ZNF891: variants seen among roughly 807,000 people sequenced by gnomAD.
The protein encoded by ZNF891 is hCG1646157.
For missense variants in ZNF891, 589 were observed against 632.7 expected, an observed-to-expected ratio of 0.93 and a Z score of 0.74; for synonymous variants, 199 against 209.0, an observed-to-expected ratio of 0.95 and a Z score of 0.41.
At chr12:133,126,377 G>A (rs531185699) in intron 1 of ZNF891, among the ~76,000 whole-genome samples, 1 of 150,546 alleles carries the variant, frequency 6.6e-6, no homozygotes, top group Non-Finnish European at 1.5e-5. Context: ...GGGAGTGTGA[G>A]GCAGGAGAAT....
In ZNF891 at chr12:133,106,365, G is replaced by A; in HGVS notation, c.*13919C>T. On this transcript the variant is annotated 3_prime_UTR_variant, in exon 2 of 2. Transcript: ENST00000537226. The stretch of plus-strand genomic sequence containing the variant: ...AAGCTCTATGAATGTGATGAATGTG[G>A]TAAAGTTTTCACTTGGCATGCATCC... 6.2e-7 allele frequency: 1 copy of A among 1,614,154 alleles called. No homozygotes were observed. Among genetic ancestry groups the A allele is most frequent in the Non-Finnish European group, 8.5e-7 (1 of 1,180,028 alleles).
rs543939767 is a variant in ZNF891 at position 133,124,614 on chromosome 12, A to C, written c.-106-2590T>G. ...TTATCTACAAGGGAATATCAATTAT[A>C]CTGACTACAGACTTCTCAGTTGCAA... On this transcript the variant is annotated intron_variant, in intron 1 of 1. Transcript: ENST00000537226. Among the ~76,000 whole-genome samples the C allele has an allele frequency of 1.5e-4, 23 of 151,764 alleles. No individual in the cohort carries two copies. The East Asian group carries it at 4.3e-3, about 28-fold the overall frequency.
rs1955583877 is a variant in ZNF891, at chr12:133,106,135, A to G, written c.*14149T>C. ...GTGGTAAAGCATTTAGCAGTGGCTC[A>G]GAACTCATTCGCCACCAGATTACAC... On this transcript the variant is annotated 3_prime_UTR_variant, in exon 2 of 2. Transcript: ENST00000537226. 6.2e-7 allele frequency: 1 copy of G among 1,614,176 alleles called. No individual in the cohort carries two copies. Among genetic ancestry groups the G allele is most frequent in the Non-Finnish European group, 8.5e-7 (1 of 1,180,018 alleles).
In ZNF891 at chr12:133,105,222, T is replaced by G. The variant is rs1955546548; in HGVS notation, c.*15062A>C. On this transcript the variant is annotated 3_prime_UTR_variant, in exon 2 of 2. Transcript: ENST00000537226. ...GCAGTAAATACCGTTTAAATGGTGG[T>G]GAAGAAGACTAGCAACCTATCCTTC... is the stretch of plus-strand genomic sequence containing the variant. Among the ~76,000 whole-genome samples the G allele has an allele frequency of 6.6e-6, 1 of 152,216 alleles. No homozygotes were observed. Among genetic ancestry groups the G allele is most frequent in the Non-Finnish European group, 1.5e-5 (1 of 68,040 alleles).
At chr12:133,129,558 A>G (rs1955853824) in intron 1 of ZNF891, among the ~76,000 whole-genome samples, 2 of 151,630 alleles carry the variant, frequency 1.3e-5, no homozygotes, top group South Asian at 4.2e-4. Flanking sequence ...AAATATTTTA[A>G]GACCAAATAG....
At chr12:133,123,967 GA>G (rs969146111) in intron 1 of ZNF891, among the ~76,000 whole-genome samples, 1 of 152,094 alleles carries the variant, frequency 6.6e-6, no homozygotes, top group African/African-American at 2.4e-5. Context: ...ATCACCATGG[GA>G]TTTTGATTAA....
At position 133,107,432 on chromosome 12, in the gene ZNF891, T is replaced by C. The variant is rs1200827003; in HGVS notation, c.*12852A>G. 6.6e-6 allele frequency: 1 copy of C among 152,184 alleles called. No homozygotes were observed. The highest frequency in any genetic ancestry group is 1.9e-4 in the East Asian group (1 of 5,200). The allele number at this position is 152,184 out of a possible 1,614,324, so 9.4% of individuals were successfully genotyped here. On this transcript the variant is annotated 3_prime_UTR_variant, in exon 2 of 2. Coordinates refer to ENST00000537226, the MANE Select transcript of ZNF891 (RefSeq NM_001277291.2). ...AAATCTTTTGGTTTATTATAAACCT[T>C]CTGCTTGCTGATTTTTTCCCACAGC...
In ZNF891 at chr12:133,120,016, T is replaced by C. The variant is rs952375210; in HGVS notation, c.*268A>G. On this transcript the variant is annotated 3_prime_UTR_variant, in exon 2 of 2. Coordinates refer to ENST00000537226, the MANE Select transcript of ZNF891 (RefSeq NM_001277291.2). ...AAAACACCAACAAAGCAGTAAAATA[T>C]AGTCCAGATTCTCTGAACACAATGG... 10 of 295,376 alleles carry C rather than the reference T, an allele frequency of 3.4e-5. No individual in the cohort carries two copies. Among genetic ancestry groups the C allele is most frequent in the Non-Finnish European group, 6.3e-5 (10 of 159,460 alleles). The allele number at this position is 295,376 out of a possible 1,614,324, so 18.3% of individuals were successfully genotyped here.
rs1328865778 is a variant in ZNF891 at position 133,121,027 on chromosome 12, T to C, written c.892A>G (p.Lys298Glu). ...GATTGATGACACAGCGTTTCATCTT[T>C]ATTACATTCACAGGCATTCTGTGCC... Reference protein sequence around the residue: ...HMAQNACECNKDETLCHQSSL... With the variant: ...HMAQNACECNEDETLCHQSSL... The change falls in exon 2 of 2, where the codon AAA (lysine) becomes GAA (glutamate). Residue 298 changes from lysine to glutamate, a missense_variant. Lys to Glu is a moderately conservative substitution (Grantham distance 56). Transcript: ENST00000537226. The C allele has an allele frequency of 1.3e-6, 2 of 1,535,702 alleles. No homozygotes were observed. Among genetic ancestry groups the C allele is most frequent in the Non-Finnish European group, 1.7e-6 (2 of 1,146,882 alleles).
chr12:133,120,142 TA>T lies in ZNF891; in HGVS notation c.*141del. On this transcript the variant is annotated 3_prime_UTR_variant, in exon 2 of 2. Coordinates refer to ENST00000537226, the MANE Select transcript of ZNF891 (RefSeq NM_001277291.2). ...AACAGCCATGGATCAAAAAAAGTCA[TA>T]ATTAGTATTTACAGAAAATGTTATA... is the stretch of plus-strand genomic sequence containing the variant. 1 of 577,638 alleles carries T rather than the reference TA, an allele frequency of 1.7e-6. No individual in the cohort carries two copies. The allele number at this position is 577,638 out of a possible 1,614,324, so 35.8% of individuals were successfully genotyped here.
rs1955753416 is a variant in ZNF891, at chr12:133,121,055, AT to A, written c.863del (p.His288LeufsTer76). On this transcript the variant is annotated frameshift_variant, in exon 2 of 2. Coordinates refer to ENST00000537226, the MANE Select transcript of ZNF891 (RefSeq NM_001277291.2). LOFTEE classifies it low-confidence loss of function (END_TRUNC). Reference protein sequence around the residue: ...HNMFPVPNNLHMAQNACECNK... With the variant: ...HNMFPVPNNLXMAQNACECNK... ...TACATTCACAGGCATTCTGTGCCATATGCAAATTGTTAGGTACAGGAAACAT... is the reference window on the plus strand; with the variant it reads ...TACATTCACAGGCATTCTGTGCCATAGCAAATTGTTAGGTACAGGAAACAT... 6.5e-7 allele frequency: 1 copy of A among 1,535,664 alleles called. No homozygotes were observed. The highest frequency in any genetic ancestry group is 8.7e-7 in the Non-Finnish European group (1 of 1,146,882).
At position 133,113,692 on chromosome 12, in the gene ZNF891, A is replaced by T. The variant is rs958924039; in HGVS notation, c.*6592T>A. On this transcript the variant is annotated 3_prime_UTR_variant, in exon 2 of 2. Coordinates refer to ENST00000537226, the MANE Select transcript of ZNF891 (RefSeq NM_001277291.2). ...AAGGTTATAAATATTCCAGCTTTGG[A>T]CATTTATTGCTTTACTGTCCCAAGT... The T allele has an allele frequency of 2.0e-5, 3 of 151,212 alleles. No homozygotes were observed. Among genetic ancestry groups the T allele is most frequent in the Admixed American group, 6.6e-5 (1 of 15,162 alleles). The allele number at this position is 151,212 out of a possible 1,614,324, so 9.4% of individuals were successfully genotyped here.
rs1291385057 is a variant in ZNF891 at position 133,111,392 on chromosome 12, G to A, written c.*8892C>T. 4 of 152,102 alleles carry A rather than the reference G, an allele frequency of 2.6e-5. No individual in the cohort carries two copies. The highest frequency in any genetic ancestry group is 6.6e-5 in the Admixed American group (1 of 15,258). The allele number at this position is 152,102 out of a possible 1,614,324, so 9.4% of individuals were successfully genotyped here. A position where few individuals can be genotyped will look rare whatever the true frequency, so the allele number is the denominator to read the frequency against. ...GCACATGCCTGTGGTCCCCACAACT[G>A]AGGAGGCTGAGGTAGGAGGATCACA... On this transcript the variant is annotated 3_prime_UTR_variant, in exon 2 of 2. Transcript: ENST00000537226.
Position 133,117,594 on chromosome 12 carries a change from A to T in ZNF891, c.*2690T>A, listed in dbSNP as rs1336697076. 1 of 152,252 alleles carries T rather than the reference A, an allele frequency of 6.6e-6. No homozygotes were observed. Among genetic ancestry groups the T allele is most frequent in the Non-Finnish European group, 1.5e-5 (1 of 68,044 alleles). The allele number at this position is 152,252 out of a possible 1,614,324, so 9.4% of individuals were successfully genotyped here. A position where few individuals can be genotyped will look rare whatever the true frequency, so the allele number is the denominator to read the frequency against. Reference sequence around the variant, plus strand: ...ATCTACACCCCATTCTCAGAAGCTTATATTAAACTTTATTATGCTGCATAT... The same window carrying T: ...ATCTACACCCCATTCTCAGAAGCTTTTATTAAACTTTATTATGCTGCATAT... On this transcript the variant is annotated 3_prime_UTR_variant, in exon 2 of 2. Coordinates refer to ENST00000537226, the MANE Select transcript of ZNF891 (RefSeq NM_001277291.2).
rs545169484 is a variant in ZNF891, at chr12:133,125,220, T to C, written c.-106-3196A>G. Among the ~76,000 whole-genome samples the C allele has an allele frequency of 2.6e-5, 4 of 152,298 alleles. No homozygotes were observed. The South Asian group carries it at 8.3e-4, about 32-fold the overall frequency. ...GTCACTATATTGGCCAGGCTAACCT[T>C]GAAATCCTGGCTTAAGTGATCCTCC... is the stretch of plus-strand genomic sequence containing the variant. On this transcript the variant is annotated intron_variant, in intron 1 of 1. Transcript: ENST00000537226.
At position 133,121,455 on chromosome 12, in the gene ZNF891, T is replaced by C; in HGVS notation, c.464A>G (p.Asp155Gly). ...TTTTCTGATCTTATGGCATTCCCAG[T>C]CTTCTCTTAATGTGGAGGACCAATT... ...MHNWSSTLRE[D>G]WECHKIRKQH... Residue 155 changes from aspartate to glycine, a missense_variant, in exon 2 of 2, where the codon GAC becomes GGC. By Grantham distance (94) the Asp-to-Gly change is moderately conservative. Coordinates refer to ENST00000537226, the MANE Select transcript of ZNF891 (RefSeq NM_001277291.2). 5 of 1,536,140 alleles carry C rather than the reference T, an allele frequency of 3.3e-6. No homozygotes were observed. Among genetic ancestry groups the C allele is most frequent in the Non-Finnish European group, 4.4e-6 (5 of 1,146,900 alleles).
At position 133,106,097 on chromosome 12, in the gene ZNF891, A is replaced by C. The variant is rs904638457; in HGVS notation, c.*14187T>G. The C allele has an allele frequency of 6.2e-7, 1 of 1,614,088 alleles. No individual in the cohort carries two copies. The highest frequency in any genetic ancestry group is 1.1e-5 in the South Asian group (1 of 91,072). On this transcript the variant is annotated 3_prime_UTR_variant, in exon 2 of 2. Transcript: ENST00000537226. ...AATTCACATAGGAAAGAAACAATAT[A>C]TATGTAGGAAATGTGGTAAAGCATT...
Position 133,105,638 on chromosome 12 carries a change from T to C in ZNF891, c.*14646A>G, listed in dbSNP as rs1385448730. ...TGTGTATTCCAGTTTTAAAGGAGGC[T>C]GGAAATGCAAGGATCATACTGAGAT... On this transcript the variant is annotated 3_prime_UTR_variant, in exon 2 of 2. Transcript: ENST00000537226. The C allele has an allele frequency of 6.2e-7, 1 of 1,614,030 alleles. No individual in the cohort carries two copies. The highest frequency in any genetic ancestry group is 8.5e-7 in the Non-Finnish European group (1 of 1,180,044).
rs1353921074 is a variant in ZNF891, at chr12:133,121,428, T to C, written c.491A>G (p.Gln164Arg). The C allele has an allele frequency of 6.5e-7, 1 of 1,536,168 alleles. No individual in the cohort carries two copies. The highest frequency in any genetic ancestry group is 2.0e-5 in the Admixed American group (1 of 51,010). The change falls in exon 2 of 2, where the codon CAG (glutamine) becomes CGG (arginine). Residue 164 changes from glutamine (Q) to arginine (R), a missense_variant. By Grantham distance (43) the Gln-to-Arg change is conservative. Coordinates refer to ENST00000537226, the MANE Select transcript of ZNF891 (RefSeq NM_001277291.2). Reference sequence around the variant, plus strand: ...CCAATGTCCCCCTGGAATCTTATGCTGTTTTCTGATCTTATGGCATTCCCA... The same window carrying C: ...CCAATGTCCCCCTGGAATCTTATGCCGTTTTCTGATCTTATGGCATTCCCA... ...EDWECHKIRK[Q>R]HKIPGGHWRQ...
Sources: gnomAD v4.1 joint callset for allele counts (sites outside exome capture counted in the v4.1 genomes callset) on GRCh38, gnomAD v4.1.1 for gene constraint, MANE v1.5 for transcripts, NCBI Gene and HGNC (gene_info 2026-07-23, HGNC 2026-07-21) for gene names.